The following DLC1 variants were observed in gnomAD, a reference collection of about 807,000 sequenced individuals.
DLC1 encodes the protein DLC1 Rho GTPase activating protein.
Under a neutral mutation model 140.3 loss-of-function variants are expected in DLC1, and 54 were observed. The ratio of observed to expected loss-of-function variants is 0.38; its 90% CI spans 0.31 to 0.48. DLC1 has a LOEUF of 0.48. Among genes scored for constraint, DLC1 ranks in the 20% least tolerant of loss-of-function variants. DLC1 has a pLI of 0.96. For synonymous variants in DLC1, 986 were observed against 728.1 expected, an observed-to-expected ratio of 1.35 and a Z score of -5.70; for missense variants, 2,536 against 1,907.0, an observed-to-expected ratio of 1.33 and a Z score of -6.14.
intron 10 of DLC1, among the ~76,000 whole-genome samples, chr8:13,097,675 A>G (rs118171795): frequency 1.7e-3 from 253 of 152,302 alleles, no homozygotes; most frequent in Non-Finnish European, 2.9e-3. Context: ...TCCTCCATCC[A>G]AAAATACGAT....
At chr8:13,276,575 C>A in intron 5 of DLC1, 3 of 1,263,286 alleles carry the variant, frequency 2.4e-6, no homozygotes, top group East Asian at 3.3e-5. Flanking sequence ...CGCGGCCAAG[C>A]GCGCGCGGCG....
At chr8:13,308,353 G>A (rs1490214230) in intron 4 of DLC1, among the ~76,000 whole-genome samples, 3 of 152,134 alleles carry the variant, frequency 2.0e-5, no homozygotes, top group Non-Finnish European at 4.4e-5. Flanking sequence ...GATAGTCAAA[G>A]TGTAGTATTC....
At chr8:13,342,965 T>C (rs185737492) in intron 4 of DLC1, among the ~76,000 whole-genome samples, 2 of 152,268 alleles carry the variant, frequency 1.3e-5, no homozygotes, top group Non-Finnish European at 2.9e-5. Context: ...AGACTGTCTT[T>C]TGTGTGACTT....
intron 4 of DLC1, among the ~76,000 whole-genome samples, chr8:13,330,360 TATGTACACAC>T (rs1479940425): frequency 6.6e-6 from 1 of 152,220 alleles, no homozygotes; most frequent in Admixed American, 6.5e-5. Flanking sequence ...GTTAGCAAAC[TATGTACACAC>T]ATGTTTTGAT....
intron 1 of DLC1, among the ~76,000 whole-genome samples, chr8:13,502,974 T>C (rs1585214702): frequency 6.6e-6 from 1 of 152,270 alleles, no homozygotes; most frequent in Admixed American, 6.5e-5. Flanking sequence ...AATGATGCTA[T>C]GATTCTGGAA....
chr8:13,430,004 C>T (rs1006827240), intron 2 of DLC1, among the ~76,000 whole-genome samples: 5 of 152,128 alleles, frequency 3.3e-5, no homozygotes, highest in Admixed American at 2.0e-4. Context: ...AGATTCACCT[C>T]GAATCACCTT....
chr8:13,594,660 A>T (rs1452245163), intron 1 of DLC1, among the ~76,000 whole-genome samples: 1 of 152,100 alleles, frequency 6.6e-6, no homozygotes, highest in Non-Finnish European at 1.5e-5. Flanking sequence ...ATATCCTGAA[A>T]ACCTTTTTTC....
At chr8:13,397,305 A>G (rs1837093531) in intron 3 of DLC1, among the ~76,000 whole-genome samples, 1 of 152,130 alleles carries the variant, frequency 6.6e-6, no homozygotes, top group Admixed American at 6.5e-5. Flanking sequence ...TAGATATAAG[A>G]TTTCAGGGGC....
At chr8:13,293,559 C>T (rs985953738) in intron 5 of DLC1, among the ~76,000 whole-genome samples, 1 of 152,192 alleles carries the variant, frequency 6.6e-6, no homozygotes, top group South Asian at 2.1e-4. Context: ...ATTTCTTGAG[C>T]ACCTCCTCTG....
intron 5 of DLC1, among the ~76,000 whole-genome samples, chr8:13,264,510 T>G (rs1303595265): frequency 6.6e-6 from 1 of 152,136 alleles, no homozygotes; most frequent in Non-Finnish European, 1.5e-5. Context: ...TTGGGGACAC[T>G]TAAATGTGTA....
At chr8:13,445,781 A>G (rs1429555073) in intron 2 of DLC1, among the ~76,000 whole-genome samples, 7 of 152,212 alleles carry the variant, frequency 4.6e-5, no homozygotes, top group Non-Finnish European at 1.0e-4. Flanking sequence ...TTTCCAGGTT[A>G]TTAGCTTAAA....
At chr8:13,115,482 C>G in intron 6 of DLC1, 104 bp downstream of exon 6, 1 of 1,103,456 alleles carries the variant, frequency 9.1e-7, no homozygotes, top group Non-Finnish European at 1.3e-6. Flanking sequence ...AAAAATAAAA[C>G]ATTTAAACGA....
chr8:13,405,477 C>T (rs1465209851), intron 2 of DLC1, among the ~76,000 whole-genome samples: 1 of 152,170 alleles, frequency 6.6e-6, no homozygotes, highest in East Asian at 1.9e-4. Context: ...TATAAAAGTT[C>T]AAGGTTCCAG....
In DLC1 at chr8:13,257,842, C is replaced by T. The variant is rs566795930; in HGVS notation, c.1348+47427G>A. ...GCATGGGAACTTCATAGCAATCTCTCTCTCTGTCTCATAACATCTTTAGTC... is the reference window on the plus strand; with the variant it reads ...GCATGGGAACTTCATAGCAATCTCTTTCTCTGTCTCATAACATCTTTAGTC... On this transcript the variant is annotated intron_variant, in intron 5 of 17. Coordinates refer to ENST00000276297, the MANE Select transcript of DLC1 (RefSeq NM_182643.3). 1.4e-4 allele frequency among the ~76,000 whole-genome samples: 21 copies of T among 152,260 alleles called. No homozygotes were observed. In the East Asian group the frequency reaches 3.7e-3, roughly 27 times the overall value.
At chr8:13,177,382 T>C (rs1443036910) in intron 5 of DLC1, among the ~76,000 whole-genome samples, 1 of 152,192 alleles carries the variant, frequency 6.6e-6, no homozygotes, top group East Asian at 1.9e-4. Flanking sequence ...AATGAAATTT[T>C]TCATTGTTTT....
intron 2 of DLC1, among the ~76,000 whole-genome samples, chr8:13,432,096 A>C (rs1838907531): frequency 1.3e-5 from 2 of 151,984 alleles, no homozygotes; most frequent in African/African-American, 4.8e-5. Context: ...TGATATTTGA[A>C]AATGATGGAG....
chr8:13,405,070 C>G (rs1837464935), intron 2 of DLC1, among the ~76,000 whole-genome samples: 1 of 151,444 alleles, frequency 6.6e-6, no homozygotes, highest in South Asian at 2.1e-4. Context: ...GTAGTGGTTC[C>G]TTTTGCTCTC....
chr8:13,354,565 G>A (rs1006276679), intron 4 of DLC1, among the ~76,000 whole-genome samples: 11 of 152,002 alleles, frequency 7.2e-5, no homozygotes, highest in Non-Finnish European at 1.2e-4. Flanking sequence ...ATGCATTCAC[G>A]CATCAAGCTC....
At chr8:13,564,280 GAAC>G (rs1804348387) in intron 1 of DLC1, among the ~76,000 whole-genome samples, 1 of 152,022 alleles carries the variant, frequency 6.6e-6, no homozygotes, top group South Asian at 2.1e-4. Flanking sequence ...CAAAAAAATT[GAAC>G]AACTATAAAT....
Sources: gnomAD v4.1 joint callset for allele counts (sites outside exome capture counted in the v4.1 genomes callset) on GRCh38, gnomAD v4.1.1 for gene constraint, MANE v1.5 for transcripts, NCBI Gene and HGNC (gene_info 2026-07-23, HGNC 2026-07-21) for gene names.